ALCAM: variants seen among roughly 807,000 people sequenced by gnomAD.
The protein encoded by ALCAM is CD166 antigen.
A neutral mutation model predicts 70.9 loss-of-function variants in ALCAM; 30 were observed. That is an observed-to-expected ratio of 0.42 (90% CI 0.32 to 0.57). ALCAM has a LOEUF of 0.57. Ranked by LOEUF, ALCAM falls within the 20% of genes least tolerant of loss-of-function variation. The probability of loss-of-function intolerance (pLI) is 0.11; values close to 1 mark genes in which losing one functional copy is unlikely to be tolerated. For missense variants in ALCAM, 591 were observed against 695.1 expected (o/e 0.85, Z 1.68); for synonymous variants, 249 against 242.5 (o/e 1.03, Z -0.25).
intron 1 of ALCAM, among the ~76,000 whole-genome samples, chr3:105,519,812 A>G (rs568360920): frequency 3.3e-5 from 5 of 152,272 alleles, no homozygotes; most frequent in Non-Finnish European, 7.4e-5. Flanking sequence ...TCTCTAGTAA[A>G]ATTGGAGATC....
chr3:105,373,582 G>A (rs1196301483), intron 1 of ALCAM, among the ~76,000 whole-genome samples: 3 of 152,154 alleles, frequency 2.0e-5, no homozygotes, highest in Non-Finnish European at 4.4e-5. Context: ...ACATTGGAAT[G>A]TTGATAATGA....
chr3:105,544,973 A>C (rs938420630), intron 8 of ALCAM: 24 of 392,908 alleles, frequency 6.1e-5, no homozygotes, highest in Middle Eastern at 1.6e-3. Flanking sequence ...TCAAAATATC[A>C]ATCACGTTAA....
chr3:105,547,116 C>T (rs751271550), intron 9 of ALCAM, 33 bp from the exon 10 acceptor site: 2 of 1,490,150 alleles, frequency 1.3e-6, no homozygotes, highest in Admixed American at 4.8e-5. Flanking sequence ...TTTAATTCTG[C>T]CACATGAGGT....
chr3:105,484,276 C>T (rs1486981253), intron 1 of ALCAM, among the ~76,000 whole-genome samples: 2 of 149,700 alleles, frequency 1.3e-5, no homozygotes, highest in African/African-American at 4.9e-5. Flanking sequence ...GTTACATATA[C>T]TTTTTATATA....
chr3:105,490,674 A>C (rs1473079947), intron 1 of ALCAM, among the ~76,000 whole-genome samples: 3 of 152,214 alleles, frequency 2.0e-5, no homozygotes, highest in Non-Finnish European at 4.4e-5. Context: ...CCAGCAAGGT[A>C]GTCAAATCTT....
chr3:105,537,652 T>G lies in ALCAM; in HGVS notation c.731-2323T>G, dbSNP rs185882949. 2.0e-4 allele frequency among the ~76,000 whole-genome samples: 30 copies of G among 152,282 alleles called. No individual in the cohort carries two copies. In the East Asian group the frequency reaches 5.6e-3, roughly 28 times the overall value. Reference sequence around the variant, plus strand: ...TTATCATTTAGCAAATACCCATTTATGTGTCAAAACCCAGCTCCAGGGTCA... The same window carrying G: ...TTATCATTTAGCAAATACCCATTTAGGTGTCAAAACCCAGCTCCAGGGTCA... On this transcript the variant is annotated intron_variant, in intron 6 of 15. Coordinates refer to ENST00000306107, the MANE Select transcript of ALCAM (RefSeq NM_001627.4).
chr3:105,389,370 A>ATTTT (rs1559774280), intron 1 of ALCAM, among the ~76,000 whole-genome samples: 13 of 25,104 alleles, frequency 5.2e-4, no homozygotes, highest in South Asian at 3.1e-3. Context: ...ATATATACAT[A>ATTTT]GTTTTTTTTT....
At chr3:105,524,151 G>A (rs1302319982) in intron 2 of ALCAM, 138 bp from the exon 3 acceptor site, 6 of 729,392 alleles carry the variant, frequency 8.2e-6, no homozygotes, top group Middle Eastern at 7.9e-4. Context: ...ATTTACGTGA[G>A]ACTTGTATAA....
intron 1 of ALCAM, among the ~76,000 whole-genome samples, chr3:105,516,047 G>A (rs1323502912): frequency 6.6e-6 from 1 of 151,938 alleles, no homozygotes; most frequent in Non-Finnish European, 1.5e-5. Flanking sequence ...TACGGATGAT[G>A]ATGCTATTAA....
At position 105,367,147 on chromosome 3, in the gene ALCAM, CGTT is replaced by C. The variant is rs1202900254; in HGVS notation, c.-259_-257del. 1 of 510,910 alleles carries C rather than the reference CGTT, an allele frequency of 2.0e-6. No homozygotes were observed. The highest frequency in any genetic ancestry group is 3.5e-5 in the East Asian group (1 of 28,542). 31.6% of individuals were successfully genotyped at this position (510,910 alleles called of 1,614,324 possible). Reference sequence around the variant, plus strand: ...CAAGTGTCTCCTGGAAACAGAGGGTCGTTGTCCCCGGAGGAGCAGCCGAAGGGC... The same window carrying C: ...CAAGTGTCTCCTGGAAACAGAGGGTCGTCCCCGGAGGAGCAGCCGAAGGGC... On this transcript the variant is annotated 5_prime_UTR_variant, in exon 1 of 16. Coordinates refer to ENST00000306107, the MANE Select transcript of ALCAM (RefSeq NM_001627.4).
chr3:105,375,895 A>T (rs1243400276), intron 1 of ALCAM, among the ~76,000 whole-genome samples: 1 of 152,216 alleles, frequency 6.6e-6, no homozygotes, highest in African/African-American at 2.4e-5. Flanking sequence ...GGGTGTGACA[A>T]CAGCAAAGAC....
At chr3:105,462,427 TA>T (rs1412608217) in intron 1 of ALCAM, among the ~76,000 whole-genome samples, 1 of 151,502 alleles carries the variant, frequency 6.6e-6, no homozygotes, top group Non-Finnish European at 1.5e-5. Flanking sequence ...TATAAAGAAA[TA>T]ATATACATGT....
intron 1 of ALCAM, among the ~76,000 whole-genome samples, chr3:105,448,479 T>C (rs989448533): frequency 3.9e-5 from 6 of 151,960 alleles, no homozygotes; most frequent in Non-Finnish European, 8.8e-5. Context: ...CCTCTATACA[T>C]GATACTGCCT....
chr3:105,526,512 G>A (rs1331121474), intron 3 of ALCAM, among the ~76,000 whole-genome samples: 2 of 152,012 alleles, frequency 1.3e-5, no homozygotes, highest in South Asian at 2.1e-4. Flanking sequence ...TGATGTTGTT[G>A]AAAACAAAGT....
chr3:105,544,602 T>C (rs954703343), intron 8 of ALCAM: 2 of 154,582 alleles, frequency 1.3e-5, no homozygotes, highest in African/African-American at 4.8e-5. Context: ...TCATCAGTGC[T>C]TGGGACTTAG....
intron 1 of ALCAM, among the ~76,000 whole-genome samples, chr3:105,434,112 T>C (rs888576927): frequency 6.6e-6 from 1 of 152,188 alleles, no homozygotes; most frequent in African/African-American, 2.4e-5. Flanking sequence ...TCATAACAAC[T>C]TTAAAATATT....
intron 2 of ALCAM, among the ~76,000 whole-genome samples, chr3:105,522,905 C>T (rs139484632): frequency 0.016 from 2,405 of 152,120 alleles, 17 homozygotes; most frequent in Non-Finnish European, 0.024. Flanking sequence ...TTTGGGAGGC[C>T]GAGGCGGGCG....
intron 6 of ALCAM, among the ~76,000 whole-genome samples, chr3:105,537,917 T>C (rs543344369): frequency 1.4e-4 from 22 of 152,170 alleles, no homozygotes; most frequent in Non-Finnish European, 2.5e-4. Flanking sequence ...AATAAATACA[T>C]GAAAAGAAAA....
intron 1 of ALCAM, among the ~76,000 whole-genome samples, chr3:105,458,678 G>A (rs967584934): frequency 6.6e-6 from 1 of 152,148 alleles, no homozygotes; most frequent in African/African-American, 2.4e-5. Flanking sequence ...AATACATTCT[G>A]ATGAGTATGA....
Sources: allele counts gnomAD v4.1 joint callset (sites outside exome capture counted in the v4.1 genomes callset), GRCh38; gene constraint gnomAD v4.1.1; transcripts MANE v1.5; gene names NCBI Gene and HGNC (gene_info 2026-07-23, HGNC 2026-07-21).